The following CAPN14 variants were observed in gnomAD, a reference collection of about 807,000 sequenced individuals.
The protein encoded by CAPN14 is calpain 14.
Under a neutral mutation model 101.3 loss-of-function variants are expected in CAPN14, and 94 were observed. The ratio of observed to expected loss-of-function variants is 0.93; its 90% CI spans 0.79 to 1.10. The LOEUF is 1.10. CAPN14 is among the 50% of genes least tolerant of loss of function. The pLI is 0.00. For missense variants in CAPN14, 837 were observed against 828.4 expected, an observed-to-expected ratio of 1.01 and a Z score of -0.13; for synonymous variants, 338 against 317.9, an observed-to-expected ratio of 1.06 and a Z score of -0.67.
intron 16 of CAPN14, among the ~76,000 whole-genome samples, chr2:31,186,168 C>T (rs575931138): frequency 6.6e-6 from 1 of 152,296 alleles, no homozygotes; most frequent in East Asian, 1.9e-4. Context: ...TTCTGACTAG[C>T]AAAATGGCAG....
intron 2 of CAPN14, among the ~76,000 whole-genome samples, 155 bp from the exon 3 acceptor site, chr2:31,203,294 C>T (rs1464615008): frequency 2.6e-5 from 4 of 152,194 alleles, no homozygotes; most frequent in Non-Finnish European, 5.9e-5. Flanking sequence ...ATCTGGGATA[C>T]AGAATTCTGT....
intron 8 of CAPN14, 108 bp downstream of exon 8, chr2:31,197,141 A>G: frequency 1.4e-6 from 1 of 718,972 alleles, no homozygotes; most frequent in Non-Finnish European, 2.4e-6. Flanking sequence ...AGGCTTCCTG[A>G]TCCAGCCTAA....
intron 1 of CAPN14, among the ~76,000 whole-genome samples, chr2:31,206,347 G>C (rs1341230563): frequency 6.6e-6 from 1 of 152,198 alleles, no homozygotes; most frequent in African/African-American, 2.4e-5. Context: ...CACAGGCTCT[G>C]GCAGGGCTGC....
At chr2:31,200,719 A>G in intron 5 of CAPN14, 94 bp from the exon 6 acceptor site, 5 of 1,218,530 alleles carry the variant, frequency 4.1e-6, no homozygotes, top group Non-Finnish European at 5.6e-6. Context: ...ATAGGAGTCT[A>G]GTTTTCTCAT....
intron 1 of CAPN14, among the ~76,000 whole-genome samples, chr2:31,227,254 G>A (rs1683050507): frequency 6.6e-6 from 1 of 152,198 alleles, no homozygotes; most frequent in Non-Finnish European, 1.5e-5. Context: ...TGCTCCTGCT[G>A]CACCCAGGGA....
At chr2:31,219,032 T>C (rs1281519465), upstream of CAPN14, among the ~76,000 whole-genome samples, 1 of 152,108 alleles carries the variant, frequency 6.6e-6, no homozygotes, top group Non-Finnish European at 1.5e-5. Context: ...CTTAGTTATC[T>C]TCCCCCTTCT....
At chr2:31,214,311 G>C (rs570095325) in intron 1 of CAPN14, among the ~76,000 whole-genome samples, 3 of 152,286 alleles carry the variant, frequency 2.0e-5, no homozygotes, top group African/African-American at 7.2e-5. Context: ...CCTGTGAACT[G>C]TCAATCACTT....
At position 31,230,401 on chromosome 2, in the gene CAPN14, G is replaced by A. The variant is rs773446837; in HGVS notation, c.-177+3390C>T. Among the ~76,000 whole-genome samples the A allele has an allele frequency of 6.6e-6, 1 of 152,196 alleles. No individual in the cohort carries two copies. Among genetic ancestry groups the A allele is most frequent in the African/African-American group, 2.4e-5 (1 of 41,454 alleles). ...TAGAATGGAAGGAGATAGGTCATAG[G>A]ACATGCACATCTTCAGCTTCACTAA... is the stretch of plus-strand genomic sequence containing the variant. On this transcript the variant is annotated intron_variant and NMD_transcript_variant, in intron 1 of 21. Coordinates refer to the CAPN14 transcript ENST00000398824. This position sits in a 1 kb window ranked among gnomAD's most constrained non-coding sequence, Gnocchi z 4.3.
chr2:31,184,599 C>A (rs1338510459), intron 16 of CAPN14, among the ~76,000 whole-genome samples: 1 of 152,184 alleles, frequency 6.6e-6, no homozygotes, highest in Admixed American at 6.5e-5. Context: ...AGGAGATTTT[C>A]TGCAGAGAAA....
In CAPN14 at chr2:31,230,808, A is replaced by G. The variant is rs992873743; in HGVS notation, c.-177+2983T>C. On this transcript the variant is annotated intron_variant and NMD_transcript_variant, in intron 1 of 21. Transcript: ENST00000398824. The surrounding 1 kb of genome is among the most constrained non-coding windows in gnomAD (Gnocchi z 4.3). ...TCACTTTTGTATTTTTAGTTGAACGAAAGTTTTAAATTTTGCTAGTGCTAA... is the reference window on the plus strand; with the variant it reads ...TCACTTTTGTATTTTTAGTTGAACGGAAGTTTTAAATTTTGCTAGTGCTAA... Among the ~76,000 whole-genome samples, 30 of 152,226 alleles carry G rather than the reference A, an allele frequency of 2.0e-4. 1 individual carries two copies. The highest frequency in any genetic ancestry group is 6.5e-4 in the African/African-American group (27 of 41,460).
At chr2:31,185,630 T>G (rs1450801494) in intron 16 of CAPN14, among the ~76,000 whole-genome samples, 1 of 152,154 alleles carries the variant, frequency 6.6e-6, no homozygotes, top group Non-Finnish European at 1.5e-5. Context: ...ATTCCTAGAG[T>G]CTTCCCTTCT....
At chr2:31,177,874 C>CT (rs1440691458) in intron 18 of CAPN14, 53 bp from the exon 19 acceptor site, 62 of 1,339,748 alleles carry the variant, frequency 4.6e-5, no homozygotes, top group Non-Finnish European at 6.4e-5. Context: ...CAAGCACCAT[C>CT]TGAGAGCCCT....
At chr2:31,189,050 T>C (rs1419974707) in intron 13 of CAPN14, among the ~76,000 whole-genome samples, 3 of 152,260 alleles carry the variant, frequency 2.0e-5, no homozygotes, top group Admixed American at 6.5e-5. Context: ...TTTTATCTTT[T>C]TCTCTCTAAT....
chr2:31,199,585 T>A, intron 6 of CAPN14, 53 bp from the exon 7 acceptor site: 1 of 1,452,180 alleles, frequency 6.9e-7, no homozygotes, highest in Non-Finnish European at 9.4e-7. Flanking sequence ...CAGCTTATTC[T>A]TTGAGTCGTG....
chr2:31,188,975 A>G (rs923915053), intron 13 of CAPN14, among the ~76,000 whole-genome samples: 2 of 152,230 alleles, frequency 1.3e-5, no homozygotes, highest in Non-Finnish European at 2.9e-5. Flanking sequence ...TGGAAGATCA[A>G]TAACTGCTCA....
chr2:31,212,778 TGATCAACCTACAGG>T (rs1413646927), intron 1 of CAPN14, among the ~76,000 whole-genome samples: 1 of 152,246 alleles, frequency 6.6e-6, no homozygotes, highest in African/African-American at 2.4e-5. Flanking sequence ...ACCTGGCCTT[TGATCAACCTACAGG>T]GTAGAGTCAG....
intron 2 of CAPN14, among the ~76,000 whole-genome samples, chr2:31,224,204 G>A (rs918722663): frequency 1.3e-5 from 2 of 152,072 alleles, no homozygotes; most frequent in South Asian, 2.1e-4. Flanking sequence ...ACTCTTCTAC[G>A]GTCTCAGCTT....
At chr2:31,202,044 G>A (rs1015486776) in intron 4 of CAPN14, 46 bp from the exon 5 acceptor site, 2 of 1,550,080 alleles carry the variant, frequency 1.3e-6, no homozygotes, top group African/African-American at 1.4e-5. Context: ...TGCTGCAGAT[G>A]GTGATCAGCC....
intron 1 of CAPN14, among the ~76,000 whole-genome samples, chr2:31,208,701 G>A (rs1289444322): frequency 6.6e-6 from 1 of 152,202 alleles, no homozygotes; most frequent in Admixed American, 6.5e-5. Context: ...AACCATGGAT[G>A]AAATTGGCTC....
Sources: allele counts gnomAD v4.1 joint callset (sites outside exome capture counted in the v4.1 genomes callset), GRCh38; gene constraint gnomAD v4.1.1; non-coding constraint Gnocchi (gnomAD v3.1); transcripts MANE v1.5; gene names NCBI Gene and HGNC (gene_info 2026-07-23, HGNC 2026-07-21).